SIGLEC9: variants seen among roughly 807,000 people sequenced by gnomAD.
The protein encoded by SIGLEC9 is sialic acid-binding Ig-like lectin 9.
Under a neutral mutation model 38.3 loss-of-function variants are expected in SIGLEC9, and 26 were observed. That is an observed-to-expected ratio of 0.68 (90% CI 0.50 to 0.94). The LOEUF is 0.94. SIGLEC9 is among the 40% of genes least tolerant of loss of function. The pLI is 0.00. For synonymous variants in SIGLEC9, 236 were observed against 248.0 expected, an observed-to-expected ratio of 0.95 and a Z score of 0.45; for missense variants, 556 against 585.7, an observed-to-expected ratio of 0.95 and a Z score of 0.52.
upstream of SIGLEC9, among the ~76,000 whole-genome samples, chr19:51,124,740 G>A (rs770467965): frequency 2.0e-5 from 3 of 152,104 alleles, no homozygotes; most frequent in African/African-American, 4.8e-5. Context: ...TCTGTCTCCC[G>A]CTCTGGCCTC....
downstream of SIGLEC9, among the ~76,000 whole-genome samples, chr19:51,134,930 T>A (rs1451242541): frequency 6.6e-6 from 1 of 152,232 alleles, no homozygotes; most frequent in Non-Finnish European, 1.5e-5. Context: ...AATTACGTGG[T>A]TCCTTCTGTC....
downstream of SIGLEC9, among the ~76,000 whole-genome samples, chr19:51,134,154 T>C (rs1273043507): frequency 9.2e-4 from 115 of 125,106 alleles, no homozygotes; most frequent in African/African-American, 3.5e-3. Context: ...TTTCTTTTTT[T>C]TTTTTTTTTT....
At chr19:51,128,534 G>T in intron 6 of SIGLEC9, 24 bp downstream of exon 6, 4 of 1,604,484 alleles carry the variant, frequency 2.5e-6, no homozygotes, top group Non-Finnish European at 3.4e-6. Context: ...ACTCTCCACA[G>T]CCAGCATGTA....
At position 51,128,501 on chromosome 19, in the gene SIGLEC9, A is replaced by C; in HGVS notation, c.1194A>C (p.Ser398=). The C allele has an allele frequency of 1.2e-6, 2 of 1,613,926 alleles. No individual in the cohort carries two copies. The highest frequency in any genetic ancestry group is 1.7e-6 in the Non-Finnish European group (2 of 1,179,854). ...GIEDANAVRG[S]ASQGPLTEPW... is the part of the protein sequence containing the mutation. Reference sequence around the variant, plus strand: ...AGGATGCAAACGCTGTCAGGGGTTCAGCCTCTCAGGTGAGTGATGTGGACT... The same window carrying C: ...AGGATGCAAACGCTGTCAGGGGTTCCGCCTCTCAGGTGAGTGATGTGGACT... The change falls in exon 6 of 7, where the codon TCA becomes TCC. Residue 398 remains serine, a synonymous_variant. Coordinates refer to ENST00000250360, the MANE Select transcript of SIGLEC9 (RefSeq NM_014441.3).
chr19:51,124,445 C>T (rs1417093098), upstream of SIGLEC9, among the ~76,000 whole-genome samples: 1 of 152,146 alleles, frequency 6.6e-6, no homozygotes, highest in Non-Finnish European at 1.5e-5. Context: ...CCCTTGGGGA[C>T]AGTGTCCAGC....
At chr19:51,125,423 C>G (rs766660233) in intron 1 of SIGLEC9, 28 bp downstream of exon 1, 1 of 1,564,100 alleles carries the variant, frequency 6.4e-7, no homozygotes, top group East Asian at 2.2e-5. Context: ...GGAAAGGCCA[C>G]AGGGAAAGGT....
chr19:51,127,836 T>C (rs765983817), intron 4 of SIGLEC9, 113 bp from the exon 5 acceptor site: 7 of 665,384 alleles, frequency 1.1e-5, no homozygotes, highest in African/African-American at 5.4e-5. Context: ...TCCTGTTCTT[T>C]GTGTCTGGAA....
upstream of SIGLEC9, chr19:51,124,822 G>T: frequency 1.1e-6 from 1 of 931,300 alleles, no homozygotes; most frequent in Non-Finnish European, 1.6e-6. Flanking sequence ...GACAGTGTCT[G>T]GGTGTAAAGT....
upstream of SIGLEC9, among the ~76,000 whole-genome samples, chr19:51,122,463 C>T (rs1457873166): frequency 1.3e-5 from 2 of 152,050 alleles, no homozygotes; most frequent in Admixed American, 6.6e-5. This position sits in a 1 kb window ranked among gnomAD's most constrained non-coding sequence, Gnocchi z 4.1. Context: ...TGCCTGTAAT[C>T]CCAGCTACTC....
At position 51,129,841 on chromosome 19, in the gene SIGLEC9, G is replaced by GC. The variant is rs773381250; in HGVS notation, c.1204-46dup. 5.5e-5 allele frequency: 74 copies of GC among 1,355,584 alleles called. 1 individual carries two copies. In the East Asian group the frequency reaches 1.2e-3, roughly 22 times the overall value. 84.0% of individuals were successfully genotyped at this position (1,355,584 alleles called of 1,614,324 possible). A position where few individuals can be genotyped will look rare whatever the true frequency, so the allele number is the denominator to read the frequency against. On this transcript the variant is annotated intron_variant, in intron 6 of 6. Coordinates refer to ENST00000250360, the MANE Select transcript of SIGLEC9 (RefSeq NM_014441.3). Reference sequence around the variant, plus strand: ...TGGGATTACAGATGTGAGCCACCGCGCCCCATCCTCACTGTCTGCTCTGAC... The same window carrying GC: ...TGGGATTACAGATGTGAGCCACCGCGCCCCCATCCTCACTGTCTGCTCTGAC...
At chr19:51,124,842 G>T (rs1429372077), upstream of SIGLEC9, 11 of 1,165,282 alleles carry the variant, frequency 9.4e-6, no homozygotes, top group Non-Finnish European at 1.1e-5. Flanking sequence ...TTCCTCCTCT[G>T]AGGAGGTCAC....
intron 6 of SIGLEC9, among the ~76,000 whole-genome samples, chr19:51,129,608 G>T (rs2086200153): frequency 6.6e-6 from 1 of 151,946 alleles, no homozygotes; most frequent in Non-Finnish European, 1.5e-5. Context: ...GTAGTGCAGT[G>T]GCACAATCTT....
downstream of SIGLEC9, among the ~76,000 whole-genome samples, chr19:51,133,418 CAAAAAAAA>C (rs57292401): frequency 7.6e-6 from 1 of 132,190 alleles, no homozygotes; most frequent in South Asian, 2.4e-4. Context: ...ACCAAAAATA[CAAAAAAAA>C]AAAAAAAAAA....
In SIGLEC9 at chr19:51,127,094, C is replaced by G. The variant is rs1235201170; in HGVS notation, c.813C>G (p.Val271=). The change falls in exon 4 of 7, where the codon GTC becomes GTG. Residue 271 remains valine, a synonymous_variant. Transcript: ENST00000250360. ...SLPEGQSLRL[V]CAVDAVDSNP... ...CAGAGGGCCAGTCTCTGCGCCTGGT[C>G]TGTGCAGTTGATGCAGTTGACAGCA... 6.2e-7 allele frequency: 1 copy of G among 1,614,204 alleles called. No homozygotes were observed.
In SIGLEC9 at chr19:51,130,002, C is replaced by T. The variant is rs1568613901; in HGVS notation, c.1315C>T (p.Gln439Ter). The change falls in exon 7 of 7, where the codon CAG (glutamine) becomes TAG (stop). Residue 439 changes from glutamine (Q) to a stop codon, truncating the protein, a stop_gained. Transcript: ENST00000250360. LOFTEE classifies it low-confidence loss of function (END_TRUNC). ...GELQYASLSFQMVKPWDSRGQ... is the reference protein window; with the variant it reads ...GELQYASLSF The stretch of plus-strand genomic sequence containing the variant: ...GCTCCAGTATGCATCCCTCAGCTTC[C>T]AGATGGTGAAGCCTTGGGACTCGCG... 2 of 1,614,094 alleles carry T rather than the reference C, an allele frequency of 1.2e-6. No individual in the cohort carries two copies. The highest frequency in any genetic ancestry group is 1.7e-6 in the Non-Finnish European group (2 of 1,179,970).
chr19:51,125,217 G>A lies in SIGLEC9; in HGVS notation c.243G>A (p.Arg81=), dbSNP rs1350688555. The change falls in exon 1 of 7, where the codon CGG becomes CGA. Residue 81 remains arginine (R), a synonymous_variant. Coordinates refer to ENST00000250360, the MANE Select transcript of SIGLEC9 (RefSeq NM_014441.3). The part of the protein sequence containing the change: ...DAPVATNNPA[R]AVWEETRDRF... ...CAGTGGCCACAAACAACCCAGCTCG[G>A]GCAGTGTGGGAGGAGACTCGGGACC... 3.7e-6 allele frequency: 6 copies of A among 1,614,076 alleles called. No homozygotes were observed. Among genetic ancestry groups the A allele is most frequent in the Non-Finnish European group, 5.1e-6 (6 of 1,179,984 alleles).
At chr19:51,130,319 T>A, downstream of SIGLEC9, 1 of 646,878 alleles carries the variant, frequency 1.5e-6, no homozygotes, top group Non-Finnish European at 2.2e-6. Flanking sequence ...TACCTCTCTG[T>A]ACCTTGGTTT....
chr19:51,125,355 A>G lies in SIGLEC9; in HGVS notation c.381A>G (p.Lys127=). The change falls in exon 1 of 7, where the codon AAA becomes AAG. Residue 127 remains lysine, a synonymous_variant. Transcript: ENST00000250360. Reference sequence around the variant, plus strand: ...TTCGTATGGAGAAAGGAAGTATAAAATGGAATTATAAACATCACCGGCTCT... The same window carrying G: ...TTCGTATGGAGAAAGGAAGTATAAAGTGGAATTATAAACATCACCGGCTCT... ...YFFRMEKGSI[K]WNYKHHRLSV... The G allele has an allele frequency of 2.0e-5, 32 of 1,603,108 alleles. No individual in the cohort carries two copies. Among genetic ancestry groups the G allele is most frequent in the Non-Finnish European group, 2.6e-5 (31 of 1,173,986 alleles).
downstream of SIGLEC9, among the ~76,000 whole-genome samples, chr19:51,132,560 T>A (rs1449626436): frequency 6.6e-6 from 1 of 152,204 alleles, no homozygotes; most frequent in Non-Finnish European, 1.5e-5. Context: ...AAAGGCCATC[T>A]GGTGGACATT....
Sources: allele counts gnomAD v4.1 joint callset (sites outside exome capture counted in the v4.1 genomes callset), GRCh38; gene constraint gnomAD v4.1.1; non-coding constraint Gnocchi (gnomAD v3.1); transcripts MANE v1.5; gene names NCBI Gene and HGNC (gene_info 2026-07-23, HGNC 2026-07-21).